Variants in UGT1A8 observed in about 807,000 individuals in gnomAD.
UGT1A8 encodes UDP glucuronosyltransferase family 1 member A8, also known as UDP-glucuronosyltransferase 1A8.
Under a neutral mutation model 45.3 loss-of-function variants are expected in UGT1A8, and 39 were observed. The observed-to-expected ratio is 0.86, with a 90% confidence interval of 0.67 to 1.12. The LOEUF (loss-of-function observed/expected upper bound fraction) is 1.12. Ranked by LOEUF, UGT1A8 falls within the 50% of genes most tolerant of loss-of-function variation. UGT1A8 has a pLI of 0.00. For missense variants in UGT1A8, 719 were observed against 664.9 expected (o/e 1.08, Z -0.90); for synonymous variants, 275 against 249.2 (o/e 1.10, Z -0.97).
At chr2:233,724,827 C>G (rs2077319542) in intron 1 of UGT1A8, among the ~76,000 whole-genome samples, 1 of 135,060 alleles carries the variant, frequency 7.4e-6, no homozygotes, top group Non-Finnish European at 1.6e-5. Context: ...AATCTCGGCA[C>G]TTTGGGAGGC....
chr2:233,720,278 T>A (rs1449886876), intron 1 of UGT1A8, among the ~76,000 whole-genome samples: 2 of 151,854 alleles, frequency 1.3e-5, no homozygotes. Flanking sequence ...CTGAGAAAAG[T>A]TTTTCTGACC....
intron 1 of UGT1A8, chr2:233,747,332 A>C (rs1559392073): frequency 9.4e-6 from 15 of 1,603,410 alleles, no homozygotes; most frequent in Non-Finnish European, 1.3e-5. Context: ...GATGGCAGCC[A>C]CTGGCTCGCA....
At position 233,772,525 on chromosome 2, in the gene UGT1A8, G is replaced by T; in HGVS notation, c.1559G>T (p.Arg520Leu). The change falls in exon 5 of 5, where the codon CGA becomes CTA. Residue 520 changes from arginine (R) to leucine (L), a missense_variant. Arg to Leu is a moderately radical substitution (Grantham distance 102). Transcript: ENST00000373450. ...CGGAAATGCTTGGGGAAAAAAGGGCGAGTTAAGAAAGCCCACAAATCCAAG... is the reference window on the plus strand; with the variant it reads ...CGGAAATGCTTGGGGAAAAAAGGGCTAGTTAAGAAAGCCCACAAATCCAAG... ...GYRKCLGKKGRVKKAHKSKTH is the reference protein window; with the variant it reads ...GYRKCLGKKGLVKKAHKSKTH 6.2e-6 allele frequency: 10 copies of T among 1,614,136 alleles called. No individual in the cohort carries two copies. The highest frequency in any genetic ancestry group is 8.5e-6 in the Non-Finnish European group (10 of 1,180,024).
intron 1 of UGT1A8, among the ~76,000 whole-genome samples, chr2:233,724,980 CGCGGT>C (rs751350533): frequency 0.034 from 4,857 of 144,196 alleles, 246 homozygotes; most frequent in African/African-American, 0.053. Flanking sequence ...GCGGATCACT[CGCGGT>C]TAGGGGCTGG....
At chr2:233,685,186 A>G (rs2074727180) in intron 1 of UGT1A8, among the ~76,000 whole-genome samples, 1 of 152,130 alleles carries the variant, frequency 6.6e-6, no homozygotes, top group Admixed American at 6.5e-5. Flanking sequence ...TCAGGAGAAC[A>G]TTAAAACGGT....
chr2:233,645,446 C>G (rs2073574300), intron 1 of UGT1A8, among the ~76,000 whole-genome samples: 2 of 152,230 alleles, frequency 1.3e-5, no homozygotes, highest in African/African-American at 4.8e-5. Flanking sequence ...GTCCACAGTT[C>G]AACGTCTCAT....
chr2:233,694,870 T>C (rs1475517927), intron 1 of UGT1A8, among the ~76,000 whole-genome samples: 1 of 152,238 alleles, frequency 6.6e-6, no homozygotes, highest in East Asian at 1.9e-4. Flanking sequence ...AATATAGTTG[T>C]ACACATTTGG....
chr2:233,724,456 G>C (rs1266099425), intron 1 of UGT1A8, among the ~76,000 whole-genome samples: 1 of 126,638 alleles, frequency 7.9e-6, no homozygotes, highest in African/African-American at 3.1e-5. Flanking sequence ...GGCAGCTGCC[G>C]GGCGGAGGGG....
intron 1 of UGT1A8, among the ~76,000 whole-genome samples, chr2:233,685,381 G>C (rs1450820736): frequency 1.3e-5 from 2 of 152,102 alleles, no homozygotes; most frequent in Non-Finnish European, 2.9e-5. Flanking sequence ...CACTTTTCTT[G>C]ACTTGTTGGT....
chr2:233,747,504 C>T, intron 1 of UGT1A8: 2 of 1,608,416 alleles, frequency 1.2e-6, no homozygotes, highest in South Asian at 2.2e-5. Flanking sequence ...GGGCCACACT[C>T]AACTGTACTT....
At chr2:233,747,116 TG>T (rs1693565638) in intron 1 of UGT1A8, 1 of 1,446,720 alleles carries the variant, frequency 6.9e-7, no homozygotes, top group African/African-American at 1.4e-5. Context: ...CATGATGATT[TG>T]CTAAGTGGCT....
chr2:233,766,892 A>G (rs576495684), intron 1 of UGT1A8, 142 bp from the exon 2 acceptor site: 332 of 1,471,416 alleles, frequency 2.3e-4, no homozygotes, highest in Admixed American at 7.8e-4. Context: ...AAACTTACAT[A>G]TTAATAATTT....
rs886043066 is a variant in UGT1A8 at position 233,768,310 on chromosome 2, C to T, written c.1166C>T (p.Pro389Leu). 74 of 1,613,942 alleles carry T rather than the reference C, an allele frequency of 4.6e-5. No homozygotes were observed. Among genetic ancestry groups the T allele is most frequent in the Non-Finnish European group, 6.2e-5 (73 of 1,180,026 alleles). The change falls in exon 4 of 5, where the codon CCC becomes CTC. Residue 389 changes from proline to leucine, a missense_variant. Pro to Leu is a moderately conservative substitution (Grantham distance 98). Coordinates refer to ENST00000373450, the MANE Select transcript of UGT1A8 (RefSeq NM_019076.5). ...ICNGVPMVMM[P>L]LFGDQMDNAK... Reference sequence around the variant, plus strand: ...AATGGCGTTCCCATGGTGATGATGCCCTTGTTTGGTGATCAGATGGACAAT... The same window carrying T: ...AATGGCGTTCCCATGGTGATGATGCTCTTGTTTGGTGATCAGATGGACAAT...
intron 4 of UGT1A8, chr2:233,771,470 T>C (rs1389058308): frequency 2.0e-5 from 3 of 152,260 alleles, no homozygotes; most frequent in African/African-American, 7.2e-5. Context: ...TCATGCTAAA[T>C]CTAGCACCCA....
intron 1 of UGT1A8, among the ~76,000 whole-genome samples, chr2:233,683,944 T>C (rs2074657096): frequency 6.6e-6 from 1 of 152,218 alleles, no homozygotes; most frequent in Non-Finnish European, 1.5e-5. Flanking sequence ...ATTGTTGGTC[T>C]AGCCAGCTTA....
At chr2:233,710,056 C>A (rs2076108009) in intron 1 of UGT1A8, among the ~76,000 whole-genome samples, 1 of 152,224 alleles carries the variant, frequency 6.6e-6, no homozygotes, top group Admixed American at 6.5e-5. Context: ...TTTGGCTCGG[C>A]ATAATGTCTC....
chr2:233,649,131 A>G (rs1239656479), intron 1 of UGT1A8: 4 of 682,388 alleles, frequency 5.9e-6, no homozygotes, highest in African/African-American at 5.6e-5. Flanking sequence ...TGCATCTAAA[A>G]TTTCTTTTCT....
At chr2:233,747,400 C>T in intron 1 of UGT1A8, 1 of 1,606,978 alleles carries the variant, frequency 6.2e-7, no homozygotes, top group East Asian at 2.2e-5. Flanking sequence ...GTCCTCACCC[C>T]AGAGGTGAAT....
chr2:233,715,422 G>A (rs1232475756), intron 1 of UGT1A8, among the ~76,000 whole-genome samples: 1 of 152,116 alleles, frequency 6.6e-6, no homozygotes, highest in Admixed American at 6.5e-5. Flanking sequence ...CATTTTATCT[G>A]ATATCAGTAA....
Sources: allele counts gnomAD v4.1 joint callset (sites outside exome capture counted in the v4.1 genomes callset), GRCh38; gene constraint gnomAD v4.1.1; transcripts MANE v1.5; gene names NCBI Gene and HGNC (gene_info 2026-07-23, HGNC 2026-07-21).